BMP2K: variants seen among roughly 807,000 people sequenced by gnomAD.
The protein encoded by BMP2K is BMP-2-inducible protein kinase.
Under a neutral mutation model 116.0 loss-of-function variants are expected in BMP2K, and 74 were observed. That is an observed-to-expected ratio of 0.64 (90% CI 0.53 to 0.77). The LOEUF is 0.77. Ranked by LOEUF, BMP2K falls within the 30% of genes least tolerant of loss-of-function variation. The pLI is 0.00. For missense variants in BMP2K, 1,365 were observed against 1,403.6 expected (o/e 0.97, Z 0.44); for synonymous variants, 486 against 502.5 (o/e 0.97, Z 0.44).
chr4:78,816,312 C>T (rs893259707), intron 1 of BMP2K, among the ~76,000 whole-genome samples: 4 of 152,130 alleles, frequency 2.6e-5, no homozygotes, highest in African/African-American at 9.7e-5. Context: ...AGATCTCTGC[C>T]TTGTAAAGTG....
At chr4:78,851,194 A>T (rs1285882695) in intron 7 of BMP2K, 138 bp downstream of exon 7, 1 of 910,602 alleles carries the variant, frequency 1.1e-6, no homozygotes, top group South Asian at 2.4e-5. Flanking sequence ...AAAAACATTT[A>T]AAAAAGTGTT....
At chr4:78,877,624 A>G (rs1467074344) in intron 13 of BMP2K, among the ~76,000 whole-genome samples, 2 of 152,196 alleles carry the variant, frequency 1.3e-5, no homozygotes, top group Admixed American at 6.5e-5. Context: ...AGGCTGTTTT[A>G]CAGTCGACTT....
At position 78,864,558 on chromosome 4, in the gene BMP2K, G is replaced by T. The variant is rs867829029; in HGVS notation, c.1068-999G>T. Among the ~76,000 whole-genome samples the T allele has an allele frequency of 5.5e-5, 8 of 144,712 alleles. No homozygotes were observed. In the South Asian group the frequency reaches 1.3e-3, roughly 24 times the overall value. The allele number at this position is 144,712 out of a possible 152,430, so 94.9% of individuals were successfully genotyped here. The stretch of plus-strand genomic sequence containing the variant: ...CTAAGATCTTTTGATTCAGTGTCAC[G>T]TTTTTTTTTTTGGTACCTCTTGGAA... On this transcript the variant is annotated intron_variant, in intron 9 of 15. Coordinates refer to ENST00000502613, the MANE Select transcript of BMP2K (RefSeq NM_198892.2).
At chr4:78,878,598 T>A (rs1560542442) in intron 13 of BMP2K, 136 bp from the exon 14 acceptor site, 5 of 726,204 alleles carry the variant, frequency 6.9e-6, no homozygotes, top group Non-Finnish European at 1.1e-5. Flanking sequence ...TCTCATGCCC[T>A]TGTCTGTCAT....
intron 15 of BMP2K, chr4:78,898,739 CTT>C (rs902511359): frequency 1.3e-5 from 2 of 150,614 alleles, no homozygotes; most frequent in African/African-American, 4.9e-5. Flanking sequence ...TGAGAAATAA[CTT>C]TATATGTATT....
chr4:78,910,017 T>C (rs1294976161), intron 15 of BMP2K, among the ~76,000 whole-genome samples: 13 of 152,242 alleles, frequency 8.5e-5, no homozygotes, highest in Admixed American at 8.5e-4. Context: ...TCATATCATC[T>C]AGAGAAGGCA....
In BMP2K at chr4:78,776,716, C is replaced by G; in HGVS notation, c.173C>G (p.Ala58Gly). 7.9e-7 allele frequency: 1 copy of G among 1,267,248 alleles called. No individual in the cohort carries two copies. 78.5% of individuals were successfully genotyped at this position (1,267,248 alleles called of 1,614,324 possible). A position where few individuals can be genotyped will look rare whatever the true frequency, so the allele number is the denominator to read the frequency against. The change falls in exon 1 of 16, where the codon GCC becomes GGC. Residue 58 changes from alanine to glycine, a missense_variant. By Grantham distance (60) the Ala-to-Gly change is moderately conservative. This residue lies in a region of BMP2K where 762 missense variants were observed against 756.7 expected (regional missense o/e 1.01). Coordinates refer to ENST00000502613, the MANE Select transcript of BMP2K (RefSeq NM_198892.2). ...RHQVTLEESL[A>G]EGGFSTVFLV... ...CAGGTCACCCTGGAAGAGTCGCTGG[C>G]CGAAGGTACGGGCGCCCGGGGAGGC...
rs188481381 is a variant in BMP2K, at chr4:78,910,693, C to A, written c.2146C>A (p.Pro716Thr). The A allele has an allele frequency of 1.2e-6, 2 of 1,611,086 alleles. No homozygotes were observed. Among genetic ancestry groups the A allele is most frequent in the Admixed American group, 3.4e-5 (2 of 59,406 alleles). The change falls in exon 16 of 16, where the codon CCA (proline) becomes ACA (threonine). Residue 716 changes from proline (P) to threonine (T), a missense_variant. Pro to Thr is a conservative substitution (Grantham distance 38, BLOSUM62 -1). Coordinates refer to ENST00000502613, the MANE Select transcript of BMP2K (RefSeq NM_198892.2). Reference sequence around the variant, plus strand: ...CCCTATCAAGAACGGTAAAACAAGTCCAGCATCTAAAGATCAGCGGACTGG... The same window carrying A: ...CCCTATCAAGAACGGTAAAACAAGTACAGCATCTAAAGATCAGCGGACTGG... ...ANPIKNGKTS[P>T]ASKDQRTGKK...
intron 3 of BMP2K, among the ~76,000 whole-genome samples, chr4:78,836,948 C>A (rs544232423): frequency 6.6e-6 from 1 of 152,222 alleles, no homozygotes; most frequent in Admixed American, 6.5e-5. Context: ...TCAAGATATA[C>A]GTGCCTTACT....
At chr4:78,909,487 C>T (rs1389889070) in intron 15 of BMP2K, among the ~76,000 whole-genome samples, 1 of 152,120 alleles carries the variant, frequency 6.6e-6, no homozygotes, top group Non-Finnish European at 1.5e-5. Context: ...AGGACCTTCA[C>T]AGTCTGGCCT....
At chr4:78,820,260 C>T (rs528865367) in intron 1 of BMP2K, among the ~76,000 whole-genome samples, 7 of 152,174 alleles carry the variant, frequency 4.6e-5, no homozygotes, top group Non-Finnish European at 8.8e-5. Context: ...TTGCTATGTG[C>T]GATGACTGGA....
chr4:78,877,914 C>T (rs753515299), intron 13 of BMP2K, among the ~76,000 whole-genome samples: 9 of 151,964 alleles, frequency 5.9e-5, no homozygotes, highest in Non-Finnish European at 1.3e-4. Context: ...TATGTATGGT[C>T]CATTGGTGAG....
In BMP2K at chr4:78,776,462, C is replaced by T. The variant is rs1159501722; in HGVS notation, c.-82C>T. The T allele has an allele frequency of 3.8e-5, 42 of 1,095,446 alleles. No individual in the cohort carries two copies. Among genetic ancestry groups the T allele is most frequent in the Non-Finnish European group, 4.7e-5 (42 of 900,672 alleles). The allele number at this position is 1,095,446 out of a possible 1,614,324, so 67.9% of individuals were successfully genotyped here. On this transcript the variant is annotated 5_prime_UTR_variant, in exon 1 of 16. Coordinates refer to ENST00000502613, the MANE Select transcript of BMP2K (RefSeq NM_198892.2). ...GCTCGGACGGGCCAGGGGCGGCGAC[C>T]CCTCGCGGACGCCCGGCTGCGCGCC...
chr4:78,843,470 A>T (rs1560525288), intron 4 of BMP2K, among the ~76,000 whole-genome samples: 1 of 151,818 alleles, frequency 6.6e-6, no homozygotes. Flanking sequence ...AAGCAGTTAA[A>T]ATAGTGCCTG....
chr4:78,828,051 A>G (rs915457814), intron 2 of BMP2K, among the ~76,000 whole-genome samples: 2 of 152,182 alleles, frequency 1.3e-5, no homozygotes, highest in East Asian at 1.9e-4. Flanking sequence ...TGCCTTCCCC[A>G]GGTAGCATGA....
At position 78,869,462 on chromosome 4, in the gene BMP2K, T is replaced by C. The variant is rs116467201; in HGVS notation, c.1232-1321T>C. Among the ~76,000 whole-genome samples the C allele has an allele frequency of 4.9e-3, 745 of 152,264 alleles. 6 individuals are homozygous for C. Among genetic ancestry groups the C allele is most frequent in the African/African-American group, 0.017 (715 of 41,544 alleles). The stretch of plus-strand genomic sequence containing the variant: ...TAAATCCTAGCATTCTATACCACTG[T>C]AGAATGACTAGTTAACAATATTTTG... On this transcript the variant is annotated intron_variant, in intron 10 of 15. Transcript: ENST00000502613.
chr4:78,810,309 C>T (rs1018485331), intron 1 of BMP2K, among the ~76,000 whole-genome samples: 3 of 152,154 alleles, frequency 2.0e-5, no homozygotes, highest in South Asian at 2.1e-4. Flanking sequence ...CTTTCCTGGG[C>T]GTGCACACTC....
chr4:78,823,439 TA>T (rs1354440154), intron 1 of BMP2K, among the ~76,000 whole-genome samples: 3 of 150,400 alleles, frequency 2.0e-5, no homozygotes, highest in Non-Finnish European at 4.4e-5. Flanking sequence ...AGTAAAATAG[TA>T]TAACAAGTAG....
At chr4:78,865,344 G>A (rs1427179959) in intron 9 of BMP2K, among the ~76,000 whole-genome samples, 2 of 152,080 alleles carry the variant, frequency 1.3e-5, no homozygotes, top group African/African-American at 4.8e-5. Context: ...ATGAATGGTT[G>A]TGTACTGTTT....
Sources: gnomAD v4.1 joint callset for allele counts (sites outside exome capture counted in the v4.1 genomes callset) on GRCh38, gnomAD v4.1.1 for gene constraint, gnomAD v4.1.1 regional missense constraint, MANE v1.5 for transcripts, NCBI Gene and HGNC (gene_info 2026-07-23, HGNC 2026-07-21) for gene names.